RORA: variants seen among roughly 807,000 people sequenced by gnomAD.
The protein encoded by RORA is nuclear receptor ROR-alpha.
A neutral mutation model predicts 69.5 loss-of-function variants in RORA; 7 were observed. The observed-to-expected ratio is 0.10, with a 90% CI of 0.06 to 0.19. The LOEUF is 0.19. Ranked by LOEUF, RORA falls within the 10% of genes least tolerant of loss-of-function variation. RORA has a pLI of 1.00. For synonymous variants in RORA, 261 were observed against 240.8 expected, an observed-to-expected ratio of 1.08 and a Z score of -0.78; for missense variants, 457 against 663.0, an observed-to-expected ratio of 0.69 and a Z score of 3.41.
intron 2 of RORA, among the ~76,000 whole-genome samples, chr15:60,572,046 C>A (rs2067897641): frequency 6.6e-6 from 1 of 152,098 alleles, no homozygotes; most frequent in Non-Finnish European, 1.5e-5. Context: ...GACAGGGAGG[C>A]CTGATATCTA....
chr15:60,499,689 A>G (rs1424942058), intron 10 of RORA, among the ~76,000 whole-genome samples: 1 of 152,240 alleles, frequency 6.6e-6, no homozygotes, highest in Non-Finnish European at 1.5e-5. Context: ...TTTGTAATCA[A>G]CGATAGTAAG....
chr15:61,126,497 C>T (rs935548850), intron 1 of RORA, among the ~76,000 whole-genome samples: 1 of 152,204 alleles, frequency 6.6e-6, no homozygotes, highest in African/African-American at 2.4e-5. Context: ...TGACCAACAT[C>T]ACTTCATTCC....
chr15:61,136,341 T>G (rs1191435067), intron 1 of RORA, among the ~76,000 whole-genome samples: 5 of 152,236 alleles, frequency 3.3e-5, no homozygotes. Context: ...GTTATCCAGT[T>G]GTTACGTGTG....
chr15:60,929,767 G>C (rs914652837), intron 1 of RORA, among the ~76,000 whole-genome samples: 1 of 152,148 alleles, frequency 6.6e-6, no homozygotes, highest in Non-Finnish European at 1.5e-5. Flanking sequence ...GTGTGAGTTT[G>C]CATAATAGCC....
intron 8 of RORA, among the ~76,000 whole-genome samples, chr15:60,501,510 A>T (rs1488665456): frequency 1.3e-5 from 2 of 152,228 alleles, no homozygotes; most frequent in Non-Finnish European, 2.9e-5. Context: ...AATGCACCTA[A>T]GGTCACACAG....
At chr15:60,779,027 T>C (rs1373416485) in intron 1 of RORA, among the ~76,000 whole-genome samples, 1 of 152,108 alleles carries the variant, frequency 6.6e-6, no homozygotes, top group Non-Finnish European at 1.5e-5. Flanking sequence ...ATTAATCAAT[T>C]CCTCCTCCCA....
intron 1 of RORA, among the ~76,000 whole-genome samples, chr15:60,918,709 A>T (rs1391841743): frequency 1.3e-5 from 2 of 152,080 alleles, no homozygotes; most frequent in Non-Finnish European, 2.9e-5. Flanking sequence ...GCAGGTGAAG[A>T]ATGTAGTTGT....
At chr15:61,120,322 T>C (rs73430897) in intron 1 of RORA, among the ~76,000 whole-genome samples, 1 of 151,114 alleles carries the variant, frequency 6.6e-6, no homozygotes, top group African/African-American at 2.5e-5. Context: ...GAATCTGATA[T>C]GCAAGCAGAG....
chr15:60,810,240 A>C (rs1269660441), intron 1 of RORA, among the ~76,000 whole-genome samples: 2 of 152,210 alleles, frequency 1.3e-5, no homozygotes, highest in Non-Finnish European at 2.9e-5. Flanking sequence ...TAGATAGAGA[A>C]TTCTACACTG....
rs566541144 is a variant in RORA at position 60,850,627 on chromosome 15, C to T, written c.167-171941G>A. On this transcript the variant is annotated intron_variant, in intron 1 of 10. Transcript: ENST00000335670. ...TCATGTGCACATTGATGGTGATGAT[C>T]ATGTTTTCCCCCTCTTAAGGCCTTG... Among the ~76,000 whole-genome samples the T allele has an allele frequency of 2.0e-5, 3 of 152,288 alleles. No homozygotes were observed. In the South Asian group the frequency reaches 6.2e-4, roughly 32 times the overall value.
At chr15:60,793,596 C>T (rs2072448506) in intron 1 of RORA, among the ~76,000 whole-genome samples, 1 of 152,168 alleles carries the variant, frequency 6.6e-6, no homozygotes. Flanking sequence ...TCAGAATGTG[C>T]TTAGTCAAGT....
rs34165861 is a variant in RORA at position 60,991,275 on chromosome 15, G to GTGAA, written c.166+237774_166+237777dup. Among the ~76,000 whole-genome samples the GTGAA allele has an allele frequency of 4.7e-3, 714 of 151,744 alleles. 11 individuals are homozygous for GTGAA. The highest frequency in any genetic ancestry group is 2.9e-3 in the Non-Finnish European group (198 of 67,928). On this transcript the variant is annotated intron_variant, in intron 1 of 10. Transcript: ENST00000335670. ...CAAGTAGAAACTGTTTGTTGAGTGAGTGAATGAATGAATGAATGAATGAAA... is the reference window on the plus strand; with the variant it reads ...CAAGTAGAAACTGTTTGTTGAGTGAGTGAATGAATGAATGAATGAATGAATGAAA...
intron 1 of RORA, among the ~76,000 whole-genome samples, chr15:60,707,206 G>C (rs2140802492): frequency 6.6e-6 from 1 of 152,144 alleles, no homozygotes; most frequent in African/African-American, 2.4e-5. Context: ...TTCCATTCTG[G>C]CTGTTGCGAA....
chr15:61,229,164 C>G lies in RORA; in HGVS notation c.55G>C (p.Gly19Arg). The G allele has an allele frequency of 6.4e-7, 1 of 1,551,048 alleles. No homozygotes were observed. Among genetic ancestry groups the G allele is most frequent in the Non-Finnish European group, 8.7e-7 (1 of 1,149,006 alleles). Residue 19 changes from glycine to arginine, a missense_variant, in exon 1 of 11, where the codon GGC (glycine) becomes CGC (arginine). Around this residue, in one of 3 missense-constraint regions of RORA, gnomAD observed 119 missense variants for 92.4 expected, o/e 1.29. Transcript: ENST00000335670. ...CTGGAGCCGGCGGCCGCGTCCGCGC[C>G]GCTGCTGCCTGGCTCGCTGGCGGCG... ...DPAASEPGSS[G>R]ADAAAGSRET...
At chr15:60,522,110 T>G (rs999215085) in intron 3 of RORA, among the ~76,000 whole-genome samples, 4 of 152,238 alleles carry the variant, frequency 2.6e-5, no homozygotes, top group African/African-American at 9.6e-5. Flanking sequence ...AGGAATTTTG[T>G]TATTAAGGCT....
chr15:61,104,993 G>GCTCCCCCCCCC (rs751911711), intron 1 of RORA, among the ~76,000 whole-genome samples: 28 of 140,812 alleles, frequency 2.0e-4, no homozygotes, highest in Admixed American at 2.9e-4. Context: ...TGATCATGAG[G>GCTCCCCCCCCC]CGCCCCCCCC....
Position 60,644,916 on chromosome 15 carries a change from T to C in RORA, c.196+33741A>G, listed in dbSNP as rs186264921. Among the ~76,000 whole-genome samples, 295 of 152,268 alleles carry C rather than the reference T, an allele frequency of 1.9e-3. 2 individuals are homozygous for C. In the Middle Eastern group the frequency reaches 0.031, roughly 16 times the overall value. On this transcript the variant is annotated intron_variant, in intron 2 of 10. Coordinates refer to ENST00000335670, the MANE Select transcript of RORA (RefSeq NM_134261.3). ...GGCTAAGCCTTCTTTTTTTCAGTAT[T>C]CAAGGCCAGAATTACAGTATAGTAA...
At chr15:60,674,527 A>T (rs564188212) in intron 2 of RORA, among the ~76,000 whole-genome samples, 1 of 152,226 alleles carries the variant, frequency 6.6e-6, no homozygotes, top group Non-Finnish European at 1.5e-5. Flanking sequence ...ACACTTTTTA[A>T]AATGGATGCA....
At chr15:60,833,613 C>T (rs954091886) in intron 1 of RORA, among the ~76,000 whole-genome samples, 1 of 99,298 alleles carries the variant, frequency 1.0e-5, no homozygotes, top group East Asian at 2.4e-4. Context: ...TTCACCAAAC[C>T]CACCAAGCCC....
Sources: gnomAD v4.1 joint callset for allele counts (sites outside exome capture counted in the v4.1 genomes callset) on GRCh38, gnomAD v4.1.1 for gene constraint, gnomAD v4.1.1 regional missense constraint, MANE v1.5 for transcripts, NCBI Gene and HGNC (gene_info 2026-07-23, HGNC 2026-07-21) for gene names.